Variants in CNTNAP2 observed in about 807,000 individuals in gnomAD.
The protein encoded by CNTNAP2 is contactin associated protein 2.
In CNTNAP2, 98 loss-of-function variants were observed where a neutral mutation model predicts 155.2. The ratio of observed to expected loss-of-function variants is 0.63; its 90% CI spans 0.54 to 0.75. CNTNAP2 has a LOEUF of 0.75. Ranked by LOEUF, CNTNAP2 falls within the 30% of genes least tolerant of loss-of-function variation. The pLI, the probability that CNTNAP2 is intolerant of heterozygous loss-of-function variation, is 0.00. For missense variants in CNTNAP2, 1,727 were observed against 1,688.1 expected, an observed-to-expected ratio of 1.02 and a Z score of -0.40; for synonymous variants, 651 against 631.2, an observed-to-expected ratio of 1.03 and a Z score of -0.47.
At chr7:147,379,356 C>T (rs372401512) in intron 9 of CNTNAP2, among the ~76,000 whole-genome samples, 96 of 152,094 alleles carry the variant, frequency 6.3e-4, no homozygotes, top group African/African-American at 2.1e-3. Context: ...ATATTCCATG[C>T]GGTGTTTCTG....
At chr7:148,254,733 G>T (rs1404799230) in intron 20 of CNTNAP2, among the ~76,000 whole-genome samples, 1 of 144,544 alleles carries the variant, frequency 6.9e-6, no homozygotes, top group Non-Finnish European at 1.5e-5. Flanking sequence ...TCAAGATCGT[G>T]CCACTGCACT....
intron 15 of CNTNAP2, among the ~76,000 whole-genome samples, chr7:148,029,929 G>A (rs1471955161): frequency 6.6e-6 from 1 of 152,182 alleles, no homozygotes; most frequent in African/African-American, 2.4e-5. Context: ...GAAGAACAGG[G>A]AGATGTTCTA....
intron 8 of CNTNAP2, among the ~76,000 whole-genome samples, chr7:147,158,973 C>T (rs1265875947): frequency 1.3e-5 from 2 of 152,004 alleles, no homozygotes; most frequent in African/African-American, 4.8e-5. Flanking sequence ...GAGTAACTTG[C>T]TTCCCTGAGG....
At chr7:147,068,115 T>C (rs545727975) in intron 4 of CNTNAP2, among the ~76,000 whole-genome samples, 1 of 152,266 alleles carries the variant, frequency 6.6e-6, no homozygotes, top group East Asian at 1.9e-4. Flanking sequence ...CCTTTGTTGC[T>C]ACAAATCTCA....
chr7:146,194,583 AAC>A (rs1307666744), intron 1 of CNTNAP2, among the ~76,000 whole-genome samples: 4 of 152,190 alleles, frequency 2.6e-5, no homozygotes. Flanking sequence ...TTTGGGTGGG[AAC>A]ACAGCCAAAC....
At chr7:148,251,412 T>C (rs1358706279) in intron 20 of CNTNAP2, among the ~76,000 whole-genome samples, 1 of 152,212 alleles carries the variant, frequency 6.6e-6, no homozygotes, top group Non-Finnish European at 1.5e-5. Flanking sequence ...CATCAGTGTG[T>C]GACAATGCCC....
chr7:147,001,734 C>A (rs913952086), intron 3 of CNTNAP2, among the ~76,000 whole-genome samples: 6 of 151,348 alleles, frequency 4.0e-5, no homozygotes, highest in Admixed American at 6.6e-5. Flanking sequence ...GATCTGAAGT[C>A]CAGGTTCCCC....
intron 9 of CNTNAP2, among the ~76,000 whole-genome samples, chr7:147,395,195 A>T (rs1796792668): frequency 6.6e-6 from 1 of 152,076 alleles, no homozygotes; most frequent in African/African-American, 2.4e-5. Flanking sequence ...AGAAATAAAT[A>T]TCAAAGAAAC....
chr7:146,911,254 C>T (rs936366386), intron 3 of CNTNAP2, among the ~76,000 whole-genome samples: 2 of 152,066 alleles, frequency 1.3e-5, no homozygotes, highest in Non-Finnish European at 2.9e-5. Context: ...GTGGTGATTC[C>T]TCAGGGATCT....
At chr7:146,785,810 G>A (rs1176010632) in intron 2 of CNTNAP2, among the ~76,000 whole-genome samples, 1 of 152,230 alleles carries the variant, frequency 6.6e-6, no homozygotes, top group Non-Finnish European at 1.5e-5. Context: ...CAGAGACCAT[G>A]AGGATAATGT....
chr7:147,556,021 G>A lies in CNTNAP2; in HGVS notation c.1778-6117G>A, dbSNP rs538536472. ...TTTTGGCAATCCTGTATAGGCCTGCGGCCACGTCTGCATGTAAGCAGAGAG... is the reference window on the plus strand; with the variant it reads ...TTTTGGCAATCCTGTATAGGCCTGCAGCCACGTCTGCATGTAAGCAGAGAG... On this transcript the variant is annotated intron_variant, in intron 11 of 23. Coordinates refer to ENST00000361727, the MANE Select transcript of CNTNAP2 (RefSeq NM_014141.6). Among the ~76,000 whole-genome samples the A allele has an allele frequency of 9.9e-5, 15 of 152,186 alleles. 1 individual carries two copies. The South Asian group carries it at 1.0e-3, about 11-fold the overall frequency.
rs71794213 is a variant in CNTNAP2, at chr7:146,426,385, GTATATATA to G, written c.97+309429_97+309436del. On this transcript the variant is annotated intron_variant, in intron 1 of 23. Transcript: ENST00000361727. Reference sequence around the variant, plus strand: ...CTGTGTGCACGTATGAAAACAAAATGTATATATATATATATATATATATACACACACAC... The same window carrying G: ...CTGTGTGCACGTATGAAAACAAAATGTATATATATATATATACACACACAC... Among the ~76,000 whole-genome samples the G allele has an allele frequency of 3.0e-4, 41 of 135,162 alleles. 1 individual carries two copies. Among genetic ancestry groups the G allele is most frequent in the Admixed American group, 5.2e-4 (7 of 13,438 alleles). 88.7% of individuals were successfully genotyped at this position (135,162 alleles called of 152,430 possible).
At chr7:148,343,087 C>T (rs1036840315) in intron 21 of CNTNAP2, among the ~76,000 whole-genome samples, 11 of 152,204 alleles carry the variant, frequency 7.2e-5, no homozygotes, top group African/African-American at 1.2e-4. Flanking sequence ...GGGACTTAAC[C>T]GCTGGGTTTA....
chr7:146,444,247 A>G (rs1352795047), intron 1 of CNTNAP2, among the ~76,000 whole-genome samples: 2 of 152,048 alleles, frequency 1.3e-5, no homozygotes, highest in Non-Finnish European at 2.9e-5. Context: ...CTGGTCTCAA[A>G]CGCCTGACCT....
At chr7:146,177,507 G>GA (rs561480067) in intron 1 of CNTNAP2, among the ~76,000 whole-genome samples, 7 of 152,112 alleles carry the variant, frequency 4.6e-5, no homozygotes, top group South Asian at 2.1e-4. Context: ...TCTTACAACT[G>GA]AAAAAAACAG....
chr7:148,116,462 C>T (rs1191827105), intron 15 of CNTNAP2, among the ~76,000 whole-genome samples: 1 of 151,906 alleles, frequency 6.6e-6, no homozygotes, highest in Non-Finnish European at 1.5e-5. Flanking sequence ...CATCCACAAA[C>T]ACATTTCTCT....
intron 3 of CNTNAP2, among the ~76,000 whole-genome samples, chr7:146,877,288 G>C (rs1168997664): frequency 1.3e-5 from 2 of 151,520 alleles, no homozygotes; most frequent in Non-Finnish European, 2.9e-5. Flanking sequence ...GATCATTTGA[G>C]GCTAAGAGTT....
chr7:146,655,257 A>G (rs1012853097), intron 1 of CNTNAP2, among the ~76,000 whole-genome samples: 2 of 151,838 alleles, frequency 1.3e-5, no homozygotes, highest in Non-Finnish European at 2.9e-5. Context: ...TACTAAAAAT[A>G]CAAAAAATTA....
In CNTNAP2 at chr7:147,602,058, T is replaced by A. The variant is rs1800958096; in HGVS notation, c.1898-37048T>A. Among the ~76,000 whole-genome samples, 3 of 152,128 alleles carry A rather than the reference T, an allele frequency of 2.0e-5. No homozygotes were observed. In the South Asian group the frequency reaches 6.2e-4, roughly 32 times the overall value. On this transcript the variant is annotated intron_variant, in intron 12 of 23. Coordinates refer to ENST00000361727, the MANE Select transcript of CNTNAP2 (RefSeq NM_014141.6). ...TTATAATTGTTGCAGTATCCTTCCA[T>A]CAAGAGGTCCAAATGTCTACTTGTC...
Sources: allele counts gnomAD v4.1 joint callset (sites outside exome capture counted in the v4.1 genomes callset), GRCh38; gene constraint gnomAD v4.1.1; transcripts MANE v1.5; gene names NCBI Gene and HGNC (gene_info 2026-07-23, HGNC 2026-07-21).